Variants in SPATS2 observed in about 807,000 individuals in gnomAD.
The protein encoded by SPATS2 is spermatogenesis associated serine rich 2.
SPATS2 carries 38 observed loss-of-function variants against 63.7 expected under a neutral mutation model. That is an observed-to-expected ratio of 0.60 (90% confidence interval 0.46 to 0.78). The LOEUF is 0.78. Ranked by LOEUF, SPATS2 falls within the 30% of genes least tolerant of loss-of-function variation. The pLI is 0.00. For missense variants in SPATS2, 588 were observed against 666.2 expected (o/e 0.88, Z 1.29); for synonymous variants, 207 against 232.9 (o/e 0.89, Z 1.01).
At chr12:49,396,466 G>C (rs1465529477) in intron 2 of SPATS2, among the ~76,000 whole-genome samples, 1 of 152,160 alleles carries the variant, frequency 6.6e-6, no homozygotes, top group Non-Finnish European at 1.5e-5. Flanking sequence ...CTGAACTTGA[G>C]TCCTATGTAC....
At chr12:49,455,706 C>T (rs1332053262) in intron 2 of SPATS2, among the ~76,000 whole-genome samples, 3 of 152,212 alleles carry the variant, frequency 2.0e-5, no homozygotes, top group Non-Finnish European at 2.9e-5. Context: ...ATTGCAGCCT[C>T]GACCTCCTGG....
intron 2 of SPATS2, among the ~76,000 whole-genome samples, chr12:49,376,811 C>T (rs556341498): frequency 6.8e-5 from 10 of 147,820 alleles, no homozygotes; most frequent in African/African-American, 1.8e-4. Context: ...CTCTGCTGTC[C>T]GGATTCAAGC....
chr12:49,494,610 T>A, intron 6 of SPATS2, 131 bp from the exon 7 acceptor site: 1 of 923,960 alleles, frequency 1.1e-6, no homozygotes, highest in South Asian at 2.3e-5. Flanking sequence ...TGTGAAAATA[T>A]TAAATTTCTG....
intron 2 of SPATS2, among the ~76,000 whole-genome samples, chr12:49,435,329 CTT>C (rs1330738030): frequency 1.7e-5 from 2 of 120,546 alleles, no homozygotes; most frequent in Non-Finnish European, 1.8e-5. Flanking sequence ...TGTGCCTGGC[CTT>C]TTTTTTTTTT....
chr12:49,448,412 T>C (rs898379118), intron 2 of SPATS2, among the ~76,000 whole-genome samples: 12 of 152,022 alleles, frequency 7.9e-5, no homozygotes, highest in African/African-American at 2.9e-4. Context: ...GTGCTGGGAT[T>C]ACAGGCGTGA....
chr12:49,467,767 G>A (rs1044171931), intron 3 of SPATS2, among the ~76,000 whole-genome samples: 4 of 152,012 alleles, frequency 2.6e-5, no homozygotes, highest in Non-Finnish European at 5.9e-5. Flanking sequence ...GCAGTGGCGC[G>A]ATCTTGGCTC....
chr12:49,523,883 C>T (rs1565765016), intron 12 of SPATS2, among the ~76,000 whole-genome samples: 4 of 151,436 alleles, frequency 2.6e-5, no homozygotes, highest in South Asian at 2.1e-4. Context: ...ACTCAGGAGG[C>T]GGAGTTTGCA....
intron 8 of SPATS2, 90 bp from the exon 9 acceptor site, chr12:49,499,980 A>T: frequency 6.0e-6 from 6 of 1,007,036 alleles, no homozygotes; most frequent in Non-Finnish European, 6.6e-6. Context: ...AGTCTACATG[A>T]CATTTGGCTT....
At chr12:49,385,995 C>T (rs1292319629) in intron 2 of SPATS2, among the ~76,000 whole-genome samples, 1 of 151,048 alleles carries the variant, frequency 6.6e-6, no homozygotes, top group Admixed American at 6.6e-5. Flanking sequence ...TCCCAAGTAA[C>T]TGGGATTACA....
chr12:49,403,906 G>A (rs1336977678), intron 2 of SPATS2, among the ~76,000 whole-genome samples: 1 of 152,140 alleles, frequency 6.6e-6, no homozygotes, highest in African/African-American at 2.4e-5. Flanking sequence ...GGAAGGGAGA[G>A]TAAAGTACTA....
chr12:49,526,392 GT>G lies in SPATS2; in HGVS notation c.*140del, dbSNP rs1362902379. The G allele has an allele frequency of 2.7e-6, 3 of 1,094,674 alleles. No homozygotes were observed. In the African/African-American group the frequency reaches 4.8e-5, roughly 17 times the overall value. 67.8% of individuals were successfully genotyped at this position (1,094,674 alleles called of 1,614,324 possible). ...TTTTGTGCCATTCTAAGTATTTTTGGTTTCTTGTCTCCTTATTTCCTCTTTA... is the reference window on the plus strand; with the variant it reads ...TTTTGTGCCATTCTAAGTATTTTTGGTTCTTGTCTCCTTATTTCCTCTTTA... On this transcript the variant is annotated 3_prime_UTR_variant, in exon 14 of 14. Transcript: ENST00000552918.
chr12:49,519,713 T>C (rs1173435874), intron 11 of SPATS2, among the ~76,000 whole-genome samples: 1 of 152,148 alleles, frequency 6.6e-6, no homozygotes, highest in Non-Finnish European at 1.5e-5. Flanking sequence ...CCCGGTCCTC[T>C]GCCCTCAAGC....
At chr12:49,487,801 C>T (rs1946320071) in intron 4 of SPATS2, among the ~76,000 whole-genome samples, 1 of 152,034 alleles carries the variant, frequency 6.6e-6, no homozygotes, top group South Asian at 2.1e-4. Flanking sequence ...CACTATGTTG[C>T]CTAGGCTGAT....
intron 2 of SPATS2, among the ~76,000 whole-genome samples, chr12:49,409,980 A>G (rs1944768439): frequency 6.6e-6 from 1 of 152,192 alleles, no homozygotes; most frequent in Non-Finnish European, 1.5e-5. Context: ...TTGTTGGAGT[A>G]TATACTGTGT....
At chr12:49,499,305 G>A (rs982657549) in intron 8 of SPATS2, among the ~76,000 whole-genome samples, 4 of 152,162 alleles carry the variant, frequency 2.6e-5, no homozygotes, top group Non-Finnish European at 5.9e-5. Flanking sequence ...TACTCTGCCT[G>A]CCATATATTG....
At chr12:49,450,869 T>G (rs937488382) in intron 2 of SPATS2, among the ~76,000 whole-genome samples, 17 of 151,342 alleles carry the variant, frequency 1.1e-4, no homozygotes, top group Non-Finnish European at 1.9e-4. Flanking sequence ...TTGTTTTGTT[T>G]TTTGTTTTTT....
chr12:49,504,911 G>T (rs921747905), intron 9 of SPATS2, among the ~76,000 whole-genome samples: 3 of 151,672 alleles, frequency 2.0e-5, no homozygotes, highest in African/African-American at 7.3e-5. Context: ...TACAAGGCGG[G>T]TGCAACCATG....
At chr12:49,464,417 C>T (rs1018166882) in intron 3 of SPATS2, among the ~76,000 whole-genome samples, 5 of 145,690 alleles carry the variant, frequency 3.4e-5, no homozygotes, top group East Asian at 4.0e-4. Context: ...GTTGGGAGTT[C>T]GAGACTAGCC....
At chr12:49,449,314 C>T (rs1945574860) in intron 2 of SPATS2, among the ~76,000 whole-genome samples, 1 of 152,188 alleles carries the variant, frequency 6.6e-6, no homozygotes, top group Admixed American at 6.5e-5. Flanking sequence ...CTCACGGGTT[C>T]AAGCGATTTT....
Sources: allele counts gnomAD v4.1 joint callset (sites outside exome capture counted in the v4.1 genomes callset), GRCh38; gene constraint gnomAD v4.1.1; transcripts MANE v1.5; gene names NCBI Gene and HGNC (gene_info 2026-07-23, HGNC 2026-07-21).